The following ACTN3 variants were observed in gnomAD, a reference collection of about 807,000 sequenced individuals.
ACTN3 encodes the protein alpha-actinin-3.
ACTN3 carries 91 observed loss-of-function variants against 119.6 expected under a neutral mutation model. The observed-to-expected ratio is 0.76, with a 90% confidence interval of 0.64 to 0.91. The LOEUF is 0.91. Among genes scored for constraint, ACTN3 ranks in the 40% least tolerant of loss-of-function variants. The pLI, the probability that ACTN3 is intolerant of heterozygous loss-of-function variation, is 0.00. For missense variants in ACTN3, 1,221 were observed against 1,215.1 expected, an observed-to-expected ratio of 1.00 and a Z score of -0.07; for synonymous variants, 456 against 478.8, an observed-to-expected ratio of 0.95 and a Z score of 0.62.
rs772169284 is a variant in ACTN3, at chr11:66,546,934, C to T, written c.-4C>T. On this transcript the variant is annotated 5_prime_UTR_variant, in exon 1 of 21. Transcript: ENST00000513398. ...AGCGGAGCGAAGCCAGGAGCCCGATCGAGATGATGATGGTTATGCAGCCCG... is the reference window on the plus strand; with the variant it reads ...AGCGGAGCGAAGCCAGGAGCCCGATTGAGATGATGATGGTTATGCAGCCCG... 3 of 1,538,352 alleles carry T rather than the reference C, an allele frequency of 2.0e-6. No individual in the cohort carries two copies.
intron 4 of ACTN3, 127 bp from the exon 5 acceptor site, chr11:66,554,409 G>T: frequency 2.8e-6 from 2 of 726,930 alleles, no homozygotes; most frequent in South Asian, 1.9e-5. Context: ...GGTGAGCCAT[G>T]ATCGTGTCAC....
intron 11 of ACTN3, 122 bp from the exon 12 acceptor site, chr11:66,559,114 T>C (rs926977015): frequency 3.6e-6 from 4 of 1,097,188 alleles, no homozygotes; most frequent in Non-Finnish European, 3.7e-6. Flanking sequence ...AGCAAATCCC[T>C]AGGACGAGCT....
rs1056524191 is a variant in ACTN3 at position 66,556,824 on chromosome 11, G to A, written c.805-309G>A. Among the ~76,000 whole-genome samples the A allele has an allele frequency of 2.2e-4, 33 of 152,108 alleles. 1 individual carries two copies. In the East Asian group the frequency reaches 5.8e-3, roughly 27 times the overall value. On this transcript the variant is annotated intron_variant, in intron 8 of 20. Coordinates refer to ENST00000513398, the MANE Select transcript of ACTN3 (RefSeq NM_001104.4). ...CGCCCAGGCTGGAGTGCAGTGGGGC[G>A]GTCTCGGCTCACTGCCAGCTCTGCC...
chr11:66,561,818 C>T (rs546874537), intron 17 of ACTN3, among the ~76,000 whole-genome samples, 181 bp downstream of exon 17: 2 of 151,468 alleles, frequency 1.3e-5, no homozygotes, highest in East Asian at 3.9e-4. Context: ...CAAAACCAGG[C>T]CAAGATTGGC....
intron 1 of ACTN3, among the ~76,000 whole-genome samples, chr11:66,549,519 G>A (rs143125973): frequency 3.5e-4 from 53 of 152,086 alleles, no homozygotes; most frequent in Non-Finnish European, 6.6e-4. Context: ...ATCACCTGAG[G>A]TTGTAAATTC....
rs1339203034 is a variant in ACTN3, at chr11:66,554,166, A to C, written c.469+35A>C. 10 of 1,587,588 alleles carry C rather than the reference A, an allele frequency of 6.3e-6. No individual in the cohort carries two copies. The African/African-American group carries it at 8.1e-5, about 13-fold the overall frequency. Reference sequence around the variant, plus strand: ...GGGAAAGGAGGTTGGGGCCAGGTGCAGTGGCTGGGGCCTGTAATCCCCACA... The same window carrying C: ...GGGAAAGGAGGTTGGGGCCAGGTGCCGTGGCTGGGGCCTGTAATCCCCACA... On this transcript the variant is annotated intron_variant, in intron 4 of 20. Coordinates refer to ENST00000513398, the MANE Select transcript of ACTN3 (RefSeq NM_001104.4).
rs1329439653 is a variant in ACTN3, at chr11:66,555,507, T to C, written c.718+140T>C. On this transcript the variant is annotated intron_variant, in intron 7 of 20. Coordinates refer to ENST00000513398, the MANE Select transcript of ACTN3 (RefSeq NM_001104.4). ...CCCACTCCCTGGTCACAGTCCCCCT[T>C]CTCCAGGAGTCCTCTATCTTGTCCC... 8.9e-6 allele frequency: 7 copies of C among 784,828 alleles called. No homozygotes were observed. The East Asian group carries it at 1.3e-4, about 15-fold the overall frequency. The allele number at this position is 784,828 out of a possible 1,614,324, so 48.6% of individuals were successfully genotyped here. A position where few individuals can be genotyped will look rare whatever the true frequency, so the allele number is the denominator to read the frequency against.
chr11:66,555,254 A>T, intron 6 of ACTN3, 32 bp from the exon 7 acceptor site: 1 of 1,613,844 alleles, frequency 6.2e-7, no homozygotes, highest in South Asian at 1.1e-5. Context: ...CCTGCAGCTG[A>T]CCTTTCACCC....
intron 1 of ACTN3, chr11:66,551,034 C>A (rs745915769): frequency 8.5e-5 from 57 of 672,770 alleles, no homozygotes; most frequent in South Asian, 1.8e-4. Flanking sequence ...GGTCACAGAC[C>A]CCATTTCTCC....
chr11:66,550,722 C>G (rs1857451703), intron 1 of ACTN3, among the ~76,000 whole-genome samples: 1 of 152,204 alleles, frequency 6.6e-6, no homozygotes, highest in African/African-American at 2.4e-5. Flanking sequence ...AGAGTCCTTA[C>G]TCATGTAGGG....
intron 1 of ACTN3, among the ~76,000 whole-genome samples, chr11:66,550,821 T>C (rs1262638112): frequency 6.6e-6 from 1 of 152,122 alleles, no homozygotes; most frequent in Admixed American, 6.5e-5. Context: ...GGCAAAACCC[T>C]GAGGGCCAGA....
Position 66,560,055 on chromosome 11 carries a change from G to T in ACTN3, c.1515G>T (p.Gln505His). Residue 505 changes from glutamine (Q) to histidine (H), a missense_variant, in exon 13 of 21, where the codon CAG becomes CAT. Gln to His is a conservative substitution (Grantham distance 24). This residue lies in a region of ACTN3 where 934 missense variants were observed against 899.9 expected (regional missense o/e 1.04). Transcript: ENST00000513398. ...DQWDNLGTLT[Q>H]KRRDALERME... Reference sequence around the variant, plus strand: ...GGGACAACCTGGGCACCCTGACCCAGAAGAGGCGGGATGCGCTAGAGGTGG... The same window carrying T: ...GGGACAACCTGGGCACCCTGACCCATAAGAGGCGGGATGCGCTAGAGGTGG... The T allele has an allele frequency of 6.3e-7, 1 of 1,578,220 alleles. No homozygotes were observed.
chr11:66,551,380 G>A, intron 2 of ACTN3, 27 bp downstream of exon 2: 1 of 1,584,540 alleles, frequency 6.3e-7, no homozygotes, highest in African/African-American at 1.3e-5. Context: ...AGTGCACCTG[G>A]GCCCCAGGAC....
chr11:66,560,386 G>T, intron 14 of ACTN3, 75 bp downstream of exon 14: 2 of 1,538,234 alleles, frequency 1.3e-6, no homozygotes, highest in Non-Finnish European at 1.8e-6. Flanking sequence ...CACAACTTTA[G>T]GCTCCTGGGG....
rs761265645 is a variant in ACTN3 at position 66,555,765 on chromosome 11, G to T, written c.719-380G>T. 6.6e-4 allele frequency among the ~76,000 whole-genome samples: 100 copies of T among 152,320 alleles called. 1 individual carries two copies. The highest frequency in any genetic ancestry group is 3.4e-3 in the Middle Eastern group (1 of 294). ...CTATGCATGATGCCCAGGCTGTGTG[G>T]GCACTGCTGGAGAAGAACTTTTTCT... On this transcript the variant is annotated intron_variant, in intron 7 of 20. Transcript: ENST00000513398.
In ACTN3 at chr11:66,552,081, G is replaced by GA. The variant is rs545305342; in HGVS notation, c.382+446dup. ...ACAGAGCGAGAGACTCTGTCTGAAA[G>GA]AAAAAAAAAAAATGCCGGCCAGGCC... On this transcript the variant is annotated intron_variant, in intron 3 of 20. Transcript: ENST00000513398. 2.9e-3 allele frequency among the ~76,000 whole-genome samples: 373 copies of GA among 130,736 alleles called. 1 individual carries two copies. Among genetic ancestry groups the GA allele is most frequent in the African/African-American group, 8.7e-3 (308 of 35,210 alleles). 85.8% of individuals were successfully genotyped at this position (130,736 alleles called of 152,430 possible). A position where few individuals can be genotyped will look rare whatever the true frequency, so the allele number is the denominator to read the frequency against.
rs762786709 is a variant in ACTN3 at position 66,554,597 on chromosome 11, C to T, written c.531C>T (p.Asn177=). Residue 177 remains asparagine, a synonymous_variant, in exon 5 of 21, where the codon AAC becomes AAT. Transcript: ENST00000513398. The stretch of plus-strand genomic sequence containing the variant: ...AGAGGAAGACAGCACCGTACCGCAA[C>T]GTCAACGTGCAGAACTTCCACACCA... ...WCQRKTAPYR[N]VNVQNFHTSW... 2.5e-6 allele frequency: 4 copies of T among 1,612,496 alleles called. No homozygotes were observed. The highest frequency in any genetic ancestry group is 1.3e-5 in the African/African-American group (1 of 74,996).
chr11:66,547,010 G>C lies in ACTN3; in HGVS notation c.73G>C (p.Glu25Gln). 6.6e-7 allele frequency: 1 copy of C among 1,523,690 alleles called. No individual in the cohort carries two copies. The highest frequency in any genetic ancestry group is 8.8e-7 in the Non-Finnish European group (1 of 1,139,844). 94.4% of individuals were successfully genotyped at this position (1,523,690 alleles called of 1,614,324 possible). ...GRFAGGGGGG[E>Q]YMEQEEDWDR... ...CTTTGCGGGCGGCGGCGGGGGCGGCGAGTACATGGAACAGGAGGAGGACTG... is the reference window on the plus strand; with the variant it reads ...CTTTGCGGGCGGCGGCGGGGGCGGCCAGTACATGGAACAGGAGGAGGACTG... Residue 25 changes from glutamate (E) to glutamine (Q), a missense_variant, in exon 1 of 21, where the codon GAG becomes CAG. Coordinates refer to ENST00000513398, the MANE Select transcript of ACTN3 (RefSeq NM_001104.4).
chr11:66,549,161 C>A (rs568357098), intron 1 of ACTN3, among the ~76,000 whole-genome samples: 2 of 152,344 alleles, frequency 1.3e-5, no homozygotes, highest in East Asian at 3.9e-4. Flanking sequence ...GTGCCCAGAT[C>A]CTTGTAGTCT....
Sources: allele counts gnomAD v4.1 joint callset (sites outside exome capture counted in the v4.1 genomes callset), GRCh38; gene constraint gnomAD v4.1.1; regional missense constraint gnomAD v4.1.1; transcripts MANE v1.5; gene names NCBI Gene and HGNC (gene_info 2026-07-23, HGNC 2026-07-21).